The following CACNA1B variants were observed in gnomAD, a reference collection of about 807,000 sequenced individuals.
CACNA1B encodes the protein calcium voltage-gated channel subunit alpha1 B.
In CACNA1B, 70 loss-of-function variants were observed where a neutral mutation model predicts 247.2. The observed-to-expected ratio is 0.28, with a 90% confidence interval of 0.23 to 0.35. CACNA1B has a LOEUF of 0.35. Ranked by LOEUF, CACNA1B falls within the 10% of genes least tolerant of loss-of-function variation. The pLI, the probability that CACNA1B is intolerant of heterozygous loss-of-function variation, is 1.00. For missense variants in CACNA1B, 2,367 were observed against 3,197.4 expected, an observed-to-expected ratio of 0.74 and a Z score of 6.26; for synonymous variants, 1,231 against 1,294.4, an observed-to-expected ratio of 0.95 and a Z score of 1.05.
At chr9:137,921,380 T>C (rs1482800106) in intron 6 of CACNA1B, among the ~76,000 whole-genome samples, 4 of 151,290 alleles carry the variant, frequency 2.6e-5, no homozygotes, top group African/African-American at 7.3e-5. Context: ...CCGCGCAGCA[T>C]CCTGGGAGCA....
Position 137,881,951 on chromosome 9 carries a change from G to A in CACNA1B, c.391-793G>A, listed in dbSNP as rs532258525. Among the ~76,000 whole-genome samples, 621 of 152,172 alleles carry A rather than the reference G, an allele frequency of 4.1e-3. 2 individuals are homozygous for A. The highest frequency in any genetic ancestry group is 5.8e-3 in the Non-Finnish European group (391 of 67,992). On this transcript the variant is annotated intron_variant, in intron 2 of 46. Coordinates refer to ENST00000371372, the MANE Select transcript of CACNA1B (RefSeq NM_000718.4). The surrounding 1 kb of genome is among the most constrained non-coding windows in gnomAD (Gnocchi z 4.3). ...AGCTGTGGAAGCCTTGCCTGCAGGC[G>A]CCACGCCCTCTGGGAGGCTCCCTGC...
intron 6 of CACNA1B, among the ~76,000 whole-genome samples, chr9:137,949,017 T>A: frequency 6.9e-6 from 1 of 145,350 alleles, no homozygotes; most frequent in South Asian, 2.3e-4. Flanking sequence ...GTGTGTTTTG[T>A]GTGTGTGGTG....
intron 6 of CACNA1B, among the ~76,000 whole-genome samples, chr9:137,940,562 G>A (rs979800766): frequency 8.6e-5 from 13 of 152,040 alleles, no homozygotes; most frequent in African/African-American, 3.1e-4. Context: ...TCCCTAAATC[G>A]TTTTATGAAG....
At chr9:138,006,053 A>G (rs1300246219) in intron 15 of CACNA1B, among the ~76,000 whole-genome samples, 1 of 151,306 alleles carries the variant, frequency 6.6e-6, no homozygotes, top group Non-Finnish European at 1.5e-5. Context: ...AAAAAAAAAA[A>G]AAAAAAAAGA....
chr9:138,060,345 G>A (rs1344344117), intron 31 of CACNA1B, among the ~76,000 whole-genome samples: 2 of 152,160 alleles, frequency 1.3e-5, no homozygotes, highest in Non-Finnish European at 1.5e-5. Flanking sequence ...AGAAGCAGAC[G>A]CAGACACGAG....
At chr9:138,080,613 A>G (rs1960494496) in intron 36 of CACNA1B, among the ~76,000 whole-genome samples, 1 of 152,208 alleles carries the variant, frequency 6.6e-6, no homozygotes, top group South Asian at 2.1e-4. Flanking sequence ...AAGAATGATA[A>G]CAAGAATAGA....
At chr9:138,039,213 A>T (rs1296074774) in intron 20 of CACNA1B, among the ~76,000 whole-genome samples, 2 of 146,570 alleles carry the variant, frequency 1.4e-5, no homozygotes, top group African/African-American at 5.0e-5. Flanking sequence ...ATAAAAAATA[A>T]AAAAAAAAAG....
chr9:137,893,379 G>A (rs1366334654), intron 3 of CACNA1B, among the ~76,000 whole-genome samples: 4 of 149,818 alleles, frequency 2.7e-5, no homozygotes, highest in South Asian at 2.1e-4. Context: ...CACTGGGTGC[G>A]GTGGCTCATG....
At position 137,971,546 on chromosome 9, in the gene CACNA1B, G is replaced by A. The variant is rs1958149250; in HGVS notation, c.1497G>A (p.Val499=). 1 of 1,613,668 alleles carries A rather than the reference G, an allele frequency of 6.2e-7. No individual in the cohort carries two copies. Among genetic ancestry groups the A allele is most frequent in the Non-Finnish European group, 8.5e-7 (1 of 1,179,810 alleles). Residue 499 remains valine (V), a synonymous_variant, in exon 11 of 47, where the codon GTG becomes GTA. Coordinates refer to ENST00000371372, the MANE Select transcript of CACNA1B (RefSeq NM_000718.4). This position sits in a 1 kb window ranked among gnomAD's most constrained non-coding sequence, Gnocchi z 4.4. ...LCVVALNTLC[V]AMVHYNQPRR... ...TGGTGGCCCTGAACACACTGTGTGT[G>A]GCCATGGTGCATTACAACCAGCCGC...
chr9:138,047,169 C>T, intron 22 of CACNA1B, 136 bp downstream of exon 22: 3 of 869,214 alleles, frequency 3.5e-6, no homozygotes, highest in Non-Finnish European at 5.3e-6. Context: ...TGTCTGTGTG[C>T]CTGGCAGTGC....
intron 20 of CACNA1B, among the ~76,000 whole-genome samples, chr9:138,041,947 A>G (rs1959128980): frequency 6.6e-6 from 1 of 151,950 alleles, no homozygotes; most frequent in South Asian, 2.1e-4. Context: ...TTTTGTAGAA[A>G]CAGGGTCTGT....
chr9:137,893,354 TAA>T (rs34168944), intron 3 of CACNA1B, among the ~76,000 whole-genome samples: 1 of 139,776 alleles, frequency 7.2e-6, no homozygotes, highest in African/African-American at 2.6e-5. Context: ...CTCCCCCCTT[TAA>T]AAAAAAAAAA....
intron 31 of CACNA1B, among the ~76,000 whole-genome samples, chr9:138,061,440 C>T (rs1326454515): frequency 6.6e-6 from 1 of 152,190 alleles, no homozygotes; most frequent in Admixed American, 6.5e-5. Context: ...ATACATTTTA[C>T]TGATTGGGCA....
intron 26 of CACNA1B, among the ~76,000 whole-genome samples, chr9:138,055,617 A>C (rs1959466942): frequency 6.6e-6 from 1 of 152,160 alleles, no homozygotes; most frequent in African/African-American, 2.4e-5. Context: ...TTTATGTGTT[A>C]CATAAGGTAT....
intron 6 of CACNA1B, among the ~76,000 whole-genome samples, chr9:137,936,118 A>G (rs1056293055): frequency 6.6e-6 from 1 of 152,128 alleles, no homozygotes; most frequent in African/African-American, 2.4e-5. Flanking sequence ...CGGCCTCCCA[A>G]AGTGCTGGGA....
rs1959558611 is a variant in CACNA1B, at chr9:138,057,596, T to C, written c.3969-136T>C. The stretch of plus-strand genomic sequence containing the variant: ...AGGGTCACATTCATTCTTCTGCATG[T>C]GGACATCCAGTTTTCCCAGCACAGT... On this transcript the variant is annotated intron_variant, in intron 26 of 46. Transcript: ENST00000371372. The surrounding 1 kb of genome is among the most constrained non-coding windows in gnomAD (Gnocchi z 4.0). 3 of 740,902 alleles carry C rather than the reference T, an allele frequency of 4.0e-6. No homozygotes were observed. The highest frequency in any genetic ancestry group is 6.4e-6 in the Non-Finnish European group (3 of 465,266). 45.9% of individuals were successfully genotyped at this position (740,902 alleles called of 1,614,324 possible).
At chr9:137,905,721 A>G (rs566246069) in intron 3 of CACNA1B, among the ~76,000 whole-genome samples, 2 of 152,234 alleles carry the variant, frequency 1.3e-5, no homozygotes, top group Non-Finnish European at 2.9e-5. Flanking sequence ...ATATGGTCTG[A>G]TAAATTCTTC....
intron 6 of CACNA1B, among the ~76,000 whole-genome samples, chr9:137,922,607 A>G (rs193192317): frequency 6.6e-6 from 1 of 152,278 alleles, no homozygotes; most frequent in East Asian, 1.9e-4. Flanking sequence ...TCAGGGTGGC[A>G]ACCGCAGATG....
chr9:137,998,278 G>A (rs75888190), intron 15 of CACNA1B, among the ~76,000 whole-genome samples: 1,571 of 152,188 alleles, frequency 0.01, 28 homozygotes, highest in African/African-American at 0.035. Context: ...AAAAATAAAG[G>A]GATACGAAAA....
Sources: gnomAD v4.1 joint callset for allele counts (sites outside exome capture counted in the v4.1 genomes callset) on GRCh38, gnomAD v4.1.1 for gene constraint, Gnocchi (gnomAD v3.1) non-coding constraint, MANE v1.5 for transcripts, NCBI Gene and HGNC (gene_info 2026-07-23, HGNC 2026-07-21) for gene names.